The following CDH13 variants were observed in gnomAD, a reference collection of about 807,000 sequenced individuals.
CDH13 encodes the protein cadherin 13, also known as cadherin-13.
Under a neutral mutation model 63.8 loss-of-function variants are expected in CDH13, and 24 were observed. That is an observed-to-expected ratio of 0.38 (90% CI 0.27 to 0.53). The LOEUF (loss-of-function observed/expected upper bound fraction) is 0.53, where lower values mean the gene tolerates loss of function less well. Ranked by LOEUF, CDH13 falls within the 20% of genes least tolerant of loss-of-function variation. CDH13 has a pLI of 0.85. For synonymous variants in CDH13, 503 were observed against 355.3 expected (o/e 1.42, Z -4.67); for missense variants, 1,049 against 903.1 (o/e 1.16, Z -2.07).
At chr16:82,989,603 G>C (rs534896389) in intron 2 of CDH13, among the ~76,000 whole-genome samples, 1 of 152,284 alleles carries the variant, frequency 6.6e-6, no homozygotes, top group Admixed American at 6.5e-5. Flanking sequence ...AGGCTGTGTG[G>C]ACCAGTGATA....
chr16:83,169,161 G>T (rs190144626), intron 4 of CDH13, among the ~76,000 whole-genome samples: 59 of 151,158 alleles, frequency 3.9e-4, no homozygotes, highest in African/African-American at 1.4e-3. Context: ...CCTTATGCTT[G>T]CCGGCATTCA....
At chr16:83,630,470 C>A (rs1243669947) in intron 8 of CDH13, among the ~76,000 whole-genome samples, 1 of 152,252 alleles carries the variant, frequency 6.6e-6, no homozygotes, top group South Asian at 2.1e-4. Context: ...TTGGTTCAGT[C>A]TGGAGAGTGG....
intron 7 of CDH13, among the ~76,000 whole-genome samples, chr16:83,533,305 C>G (rs2075120173): frequency 6.6e-6 from 1 of 152,190 alleles, no homozygotes; most frequent in Non-Finnish European, 1.5e-5. Flanking sequence ...GCGTGACTCG[C>G]AACCTCACCA....
At chr16:82,744,937 C>G (rs55713633) in intron 1 of CDH13, among the ~76,000 whole-genome samples, 55,857 of 152,008 alleles carry the variant, frequency 0.37, 10,621 homozygotes, top group African/African-American at 0.43. Context: ...CCTCTCACAA[C>G]ACACATAAAT....
intron 10 of CDH13, among the ~76,000 whole-genome samples, chr16:83,712,897 G>A (rs951951906): frequency 3.3e-5 from 5 of 152,288 alleles, no homozygotes; most frequent in Middle Eastern, 3.4e-3. Context: ...ACATCACCTG[G>A]ATTTTTATTA....
At chr16:82,923,764 C>T (rs945513100) in intron 2 of CDH13, among the ~76,000 whole-genome samples, 2 of 152,214 alleles carry the variant, frequency 1.3e-5, no homozygotes, top group African/African-American at 4.8e-5. Context: ...ACTTCGCTTC[C>T]TCTTTATTTT....
At chr16:82,791,577 G>C (rs971497362) in intron 1 of CDH13, among the ~76,000 whole-genome samples, 8 of 152,150 alleles carry the variant, frequency 5.3e-5, no homozygotes, top group Non-Finnish European at 1.5e-5. Context: ...GTTAGGGCTT[G>C]AGCTGAGCTT....
chr16:83,475,848 G>A (rs2073589803), intron 6 of CDH13, among the ~76,000 whole-genome samples: 1 of 152,184 alleles, frequency 6.6e-6, no homozygotes, highest in Non-Finnish European at 1.5e-5. Flanking sequence ...GCCTCCCAAA[G>A]TGATGGGATT....
At chr16:83,305,104 G>T (rs906426941) in intron 5 of CDH13, among the ~76,000 whole-genome samples, 5 of 152,182 alleles carry the variant, frequency 3.3e-5, no homozygotes, top group African/African-American at 9.7e-5. Context: ...GTCCTGGGGG[G>T]ACTCTCCTGC....
intron 10 of CDH13, among the ~76,000 whole-genome samples, chr16:83,712,110 G>C (rs1283139487): frequency 6.6e-6 from 1 of 152,162 alleles, no homozygotes. Flanking sequence ...GCCCACTATA[G>C]TGATCTCCTT....
At chr16:82,883,224 G>C (rs534301655) in intron 2 of CDH13, among the ~76,000 whole-genome samples, 1 of 152,356 alleles carries the variant, frequency 6.6e-6, no homozygotes, top group South Asian at 2.1e-4. Context: ...TATGAGAAAT[G>C]AAAGCAGGCA....
chr16:82,787,917 T>G (rs2036099301), intron 1 of CDH13, among the ~76,000 whole-genome samples: 1 of 138,510 alleles, frequency 7.2e-6, no homozygotes, highest in Admixed American at 7.7e-5. Context: ...ATCCAAAGGC[T>G]GACTCACAAC....
chr16:82,722,404 A>G (rs2032830077), intron 1 of CDH13, among the ~76,000 whole-genome samples: 1 of 152,118 alleles, frequency 6.6e-6, no homozygotes, highest in Non-Finnish European at 1.5e-5. Context: ...ATAATTTCAC[A>G]ACCCCAGCAG....
At chr16:83,423,926 A>G (rs559335697) in intron 6 of CDH13, among the ~76,000 whole-genome samples, 3 of 152,356 alleles carry the variant, frequency 2.0e-5, no homozygotes, top group African/African-American at 7.2e-5. Context: ...GCTGTACACT[A>G]TAACTAAACT....
chr16:83,191,467 A>ATATATG (rs1567492938), intron 4 of CDH13, among the ~76,000 whole-genome samples: 138 of 118,064 alleles, frequency 1.2e-3, no homozygotes, highest in African/African-American at 4.0e-3. Flanking sequence ...AAATATATAT[A>ATATATG]TATATATATA....
At chr16:83,340,053 T>G (rs1380073800) in intron 5 of CDH13, among the ~76,000 whole-genome samples, 1 of 152,190 alleles carries the variant, frequency 6.6e-6, no homozygotes, top group African/African-American at 2.4e-5. Context: ...CTTTCCCATC[T>G]CTGGGACCTC....
At chr16:82,648,763 A>G (rs1238105817) in intron 1 of CDH13, among the ~76,000 whole-genome samples, 2 of 152,230 alleles carry the variant, frequency 1.3e-5, no homozygotes, top group Non-Finnish European at 2.9e-5. Context: ...AAAAAGTACA[A>G]GAAGAAAAAA....
intron 3 of CDH13, among the ~76,000 whole-genome samples, chr16:83,120,763 C>CTTTTTTTTTTTTTTTTTTTTTTTTTT (rs750711823): frequency 1.7e-5 from 1 of 60,224 alleles, no homozygotes; most frequent in African/African-American, 4.8e-5. Flanking sequence ...AATTTTCTTT[C>CTTTTTTTTTTTTTTTTTTTTTTTTTT]TTTTTTTTTT....
intron 7 of CDH13, among the ~76,000 whole-genome samples, chr16:83,524,454 T>C (rs1036999427): frequency 3.4e-4 from 46 of 135,758 alleles, no homozygotes; most frequent in East Asian, 1.3e-3. Context: ...TCTTTTTTTT[T>C]TTTTTTTTTT....
Sources: gnomAD v4.1 joint callset for allele counts (sites outside exome capture counted in the v4.1 genomes callset) on GRCh38, gnomAD v4.1.1 for gene constraint, MANE v1.5 for transcripts, NCBI Gene and HGNC (gene_info 2026-07-23, HGNC 2026-07-21) for gene names.